The following LRRC7 variants were observed in gnomAD, a reference collection of about 807,000 sequenced individuals.
The protein encoded by LRRC7 is leucine rich repeat containing 7, also known as leucine-rich repeat-containing protein 7.
A neutral mutation model predicts 175.7 loss-of-function variants in LRRC7; 23 were observed. The ratio of observed to expected loss-of-function variants is 0.13; its 90% CI spans 0.09 to 0.19. LRRC7 has a LOEUF of 0.19. LRRC7 is among the 10% of genes least tolerant of loss of function. LRRC7 has a pLI of 1.00. For missense variants in LRRC7, 1,354 were observed against 1,904.7 expected (o/e 0.71, Z 5.38); for synonymous variants, 685 against 680.9 (o/e 1.01, Z -0.09).
At chr1:70,103,195 C>T (rs930112059) in intron 25 of LRRC7, among the ~76,000 whole-genome samples, 16 of 151,468 alleles carry the variant, frequency 1.1e-4, no homozygotes, top group African/African-American at 3.9e-4. Flanking sequence ...TGCCACTATA[C>T]TCCAGCCTGG....
Position 70,124,251 on chromosome 1 carries a change from G to A in LRRC7, c.*2364G>A, listed in dbSNP as rs557113944. Among the ~76,000 whole-genome samples the A allele has an allele frequency of 1.1e-3, 164 of 152,332 alleles. 1 individual carries two copies. Among genetic ancestry groups the A allele is most frequent in the African/African-American group, 3.7e-3 (155 of 41,584 alleles). ...AATAATGAAAACAGGCAGGCCAGGC[G>A]TGGTGGCTCACACTAGTAATCCCCA... On this transcript the variant is annotated 3_prime_UTR_variant, in exon 27 of 27. Coordinates refer to ENST00000651989, the MANE Select transcript of LRRC7 (RefSeq NM_001370785.2).
chr1:69,611,762 T>G (rs1648774115), intron 1 of LRRC7, among the ~76,000 whole-genome samples: 1 of 151,808 alleles, frequency 6.6e-6, no homozygotes, highest in South Asian at 2.1e-4. Context: ...CAGTGGAATC[T>G]CCAATAAAAA....
At chr1:69,654,416 C>T (rs1236403594) in intron 1 of LRRC7, among the ~76,000 whole-genome samples, 2 of 151,880 alleles carry the variant, frequency 1.3e-5, no homozygotes, top group African/African-American at 4.8e-5. Flanking sequence ...TTCAAGTGAG[C>T]AAAAATATAT....
intron 1 of LRRC7, among the ~76,000 whole-genome samples, chr1:69,619,184 G>A (rs149044171): frequency 1.3e-3 from 197 of 152,186 alleles, no homozygotes; most frequent in Non-Finnish European, 2.1e-3. Context: ...GTTCTCAAAC[G>A]CTGGTCCATG....
In LRRC7 at chr1:69,642,256, T is replaced by C. The variant is rs925580458; in HGVS notation, c.3-36125T>C. On this transcript the variant is annotated intron_variant, in intron 1 of 26. Coordinates refer to ENST00000651989, the MANE Select transcript of LRRC7 (RefSeq NM_001370785.2). ...CATATCAGAGAGAAAAATGTAGTCATTTTACATTTTAAATTAAATCACTCT... is the reference window on the plus strand; with the variant it reads ...CATATCAGAGAGAAAAATGTAGTCACTTTACATTTTAAATTAAATCACTCT... Among the ~76,000 whole-genome samples, 9 of 152,108 alleles carry C rather than the reference T, an allele frequency of 5.9e-5. No homozygotes were observed. The South Asian group carries it at 1.7e-3, about 28-fold the overall frequency.
At chr1:69,661,992 G>A (rs893005608) in intron 1 of LRRC7, among the ~76,000 whole-genome samples, 5 of 152,230 alleles carry the variant, frequency 3.3e-5, no homozygotes, top group African/African-American at 1.2e-4. Flanking sequence ...CCAGGGGAAG[G>A]TGCAATAATC....
intron 3 of LRRC7, among the ~76,000 whole-genome samples, chr1:69,766,565 A>G (rs1204433295): frequency 6.6e-6 from 1 of 152,112 alleles, no homozygotes; most frequent in Non-Finnish European, 1.5e-5. Context: ...TTAGCAGGAA[A>G]ACCAAGCTAT....
chr1:69,584,238 A>G (rs1646316572), intron 1 of LRRC7, among the ~76,000 whole-genome samples: 1 of 152,118 alleles, frequency 6.6e-6, no homozygotes, highest in South Asian at 2.1e-4. Flanking sequence ...CTGTTATCCC[A>G]TTAGACAAAA....
chr1:69,876,006 G>T (rs1406743204), intron 7 of LRRC7, among the ~76,000 whole-genome samples: 1 of 152,048 alleles, frequency 6.6e-6, no homozygotes. Context: ...TCAGGAACGT[G>T]GGGCATGATG....
At chr1:69,826,662 C>T (rs1047285873) in intron 5 of LRRC7, among the ~76,000 whole-genome samples, 1 of 152,068 alleles carries the variant, frequency 6.6e-6, no homozygotes, top group African/African-American at 2.4e-5. Flanking sequence ...GTAAGACTGG[C>T]ATTTTAATTA....
intron 4 of LRRC7, among the ~76,000 whole-genome samples, chr1:69,815,337 T>A (rs1678461433): frequency 6.6e-6 from 1 of 152,158 alleles, no homozygotes; most frequent in East Asian, 1.9e-4. Flanking sequence ...ATCTAGGAGG[T>A]TATTACTTCC....
chr1:70,009,289 A>G (rs1214263857), intron 11 of LRRC7, among the ~76,000 whole-genome samples: 1 of 151,886 alleles, frequency 6.6e-6, no homozygotes, highest in African/African-American at 2.4e-5. Context: ...AATTCTAAAA[A>G]ATTTATTGAG....
intron 2 of LRRC7, among the ~76,000 whole-genome samples, chr1:69,748,086 T>C (rs1669449076): frequency 1.3e-5 from 2 of 152,292 alleles, no homozygotes; most frequent in African/African-American, 4.8e-5. Context: ...CAACTTAGTT[T>C]ATTAAAAGAT....
intron 5 of LRRC7, among the ~76,000 whole-genome samples, chr1:69,830,694 C>A (rs1680431753): frequency 6.6e-6 from 1 of 151,644 alleles, no homozygotes; most frequent in African/African-American, 2.4e-5. Context: ...GCAGAGTAAC[C>A]ATTCAATAAA....
At position 69,632,468 on chromosome 1, in the gene LRRC7, A is replaced by G. The variant is rs2100383971; in HGVS notation, c.3-45913A>G. Among the ~76,000 whole-genome samples, 2 of 152,240 alleles carry G rather than the reference A, an allele frequency of 1.3e-5. 1 individual carries two copies. The highest frequency in any genetic ancestry group is 4.1e-4 in the South Asian group (2 of 4,826). On this transcript the variant is annotated intron_variant, in intron 1 of 26. Transcript: ENST00000651989. ...AAATTGTATTTAATTTTGATTAATCATTTTATGTAATTAGAGAGATAAAGC... is the reference window on the plus strand; with the variant it reads ...AAATTGTATTTAATTTTGATTAATCGTTTTATGTAATTAGAGAGATAAAGC...
chr1:69,789,429 T>C (rs1444603289), intron 3 of LRRC7, among the ~76,000 whole-genome samples: 1 of 152,130 alleles, frequency 6.6e-6, no homozygotes, highest in East Asian at 1.9e-4. Context: ...TGCCATATTC[T>C]ACTATATTGA....
chr1:69,701,778 AC>A (rs1273545142), intron 2 of LRRC7, among the ~76,000 whole-genome samples: 1 of 152,218 alleles, frequency 6.6e-6, no homozygotes, highest in Non-Finnish European at 1.5e-5. Flanking sequence ...AGAAAACTTA[AC>A]TATTTAATCA....
intron 10 of LRRC7, 133 bp downstream of exon 10, chr1:69,986,519 A>C: frequency 1.6e-6 from 1 of 624,114 alleles, no homozygotes; most frequent in South Asian, 4.9e-5. Context: ...TGTGCTATGG[A>C]AATCATAAAA....
Position 70,028,061 on chromosome 1 carries a change from A to G in LRRC7, c.1795-110A>G, listed in dbSNP as rs1189756628. The G allele has an allele frequency of 5.3e-6, 5 of 936,472 alleles. No homozygotes were observed. The African/African-American group carries it at 6.6e-5, about 12-fold the overall frequency. The allele number at this position is 936,472 out of a possible 1,614,324, so 58.0% of individuals were successfully genotyped here. ...ATAACAGAGTTTCTCAGCCAGCTCA[A>G]CACTCACTGTATTGCATTTGATTAT... On this transcript the variant is annotated intron_variant, in intron 17 of 26. Transcript: ENST00000651989.
Sources: gnomAD v4.1 joint callset for allele counts (sites outside exome capture counted in the v4.1 genomes callset) on GRCh38, gnomAD v4.1.1 for gene constraint, MANE v1.5 for transcripts, NCBI Gene and HGNC (gene_info 2026-07-23, HGNC 2026-07-21) for gene names.